OSMR: variants seen among roughly 807,000 people sequenced by gnomAD.
The protein encoded by OSMR is oncostatin-M-specific receptor subunit beta.
OSMR carries 81 observed loss-of-function variants against 99.9 expected under a neutral mutation model. That is an observed-to-expected ratio of 0.81 (90% CI 0.68 to 0.97). The LOEUF is 0.97. Ranked by LOEUF, OSMR falls within the 50% of genes least tolerant of loss-of-function variation. The probability of loss-of-function intolerance (pLI) is 0.00; values close to 1 mark genes in which losing one functional copy is unlikely to be tolerated. For synonymous variants in OSMR, 406 were observed against 410.4 expected, an observed-to-expected ratio of 0.99 and a Z score of 0.13; for missense variants, 1,099 against 1,153.4, an observed-to-expected ratio of 0.95 and a Z score of 0.68.
intron 15 of OSMR, among the ~76,000 whole-genome samples, chr5:38,928,079 T>C (rs748283701): frequency 3.9e-5 from 6 of 152,190 alleles, no homozygotes; most frequent in Non-Finnish European, 8.8e-5. Flanking sequence ...TGGACTTCAT[T>C]GTTCATATCA....
intron 1 of OSMR, among the ~76,000 whole-genome samples, chr5:38,864,213 G>T (rs1199872041): frequency 6.6e-6 from 1 of 151,986 alleles, no homozygotes; most frequent in Non-Finnish European, 1.5e-5. Flanking sequence ...TTGTCATCCT[G>T]TTTTTTGGTT....
chr5:38,913,689 A>C (rs1173835967), intron 9 of OSMR, among the ~76,000 whole-genome samples: 1 of 152,214 alleles, frequency 6.6e-6, no homozygotes, highest in Non-Finnish European at 1.5e-5. Context: ...ACACCATCTC[A>C]CACCAATCAG....
intron 2 of OSMR, among the ~76,000 whole-genome samples, chr5:38,870,758 G>C (rs774444251): frequency 6.6e-5 from 10 of 152,204 alleles, no homozygotes; most frequent in Non-Finnish European, 2.9e-5. Flanking sequence ...GCAGGTAGGG[G>C]TCTGCATACT....
At chr5:38,882,437 T>G (rs533489777) in intron 4 of OSMR, among the ~76,000 whole-genome samples, 76 of 152,286 alleles carry the variant, frequency 5.0e-4, no homozygotes, top group Admixed American at 1.4e-3. Context: ...TAGCTGGGCA[T>G]GGTGACGGGC....
intron 1 of OSMR, among the ~76,000 whole-genome samples, chr5:38,868,428 C>T (rs373622837): frequency 1.9e-4 from 29 of 152,102 alleles, no homozygotes; most frequent in South Asian, 8.3e-4. Context: ...AGAATTCCCA[C>T]GTGTTGTGGG....
At chr5:38,920,606 C>T (rs1746184201) in intron 11 of OSMR, among the ~76,000 whole-genome samples, 1 of 152,146 alleles carries the variant, frequency 6.6e-6, no homozygotes, top group Non-Finnish European at 1.5e-5. Flanking sequence ...TTTGGGTGCC[C>T]CTAGCTGGAT....
At chr5:38,937,847 G>T (rs186445093), downstream of OSMR, 1 of 171,548 alleles carries the variant, frequency 5.8e-6, no homozygotes, top group Non-Finnish European at 1.3e-5. The surrounding 1 kb of genome is among the most constrained non-coding windows in gnomAD (Gnocchi z 4.0). Flanking sequence ...TGTCAGCATC[G>T]GCATTACAGG....
chr5:38,896,332 T>G (rs537596499), intron 7 of OSMR, among the ~76,000 whole-genome samples: 4 of 152,108 alleles, frequency 2.6e-5, no homozygotes, highest in Admixed American at 6.5e-5. Flanking sequence ...TTATCAATGT[T>G]TTGTAGTTTT....
chr5:38,868,933 G>T (rs357282), intron 1 of OSMR, 99 bp from the exon 2 acceptor site: 173,495 of 1,391,290 alleles, frequency 0.12, 11,741 homozygotes, highest in African/African-American at 0.15. Flanking sequence ...GGAGAAGTAT[G>T]GGAGCCTTTA....
At chr5:38,918,742 A>G in intron 10 of OSMR, 98 bp from the exon 11 acceptor site, 2 of 1,552,548 alleles carry the variant, frequency 1.3e-6, no homozygotes, top group Non-Finnish European at 1.7e-6. Context: ...GTGTGTGCGT[A>G]TATAAAGGAG....
chr5:38,852,718 A>AT (rs61559728), intron 1 of OSMR, among the ~76,000 whole-genome samples: 8,376 of 69,628 alleles, frequency 0.12, 2,250 homozygotes, highest in Non-Finnish European at 0.15. Context: ...TATTGTTTTC[A>AT]TTTTTTTTTT....
chr5:38,852,202 G>C (rs1740425635), intron 1 of OSMR, among the ~76,000 whole-genome samples: 2 of 152,074 alleles, frequency 1.3e-5, no homozygotes, highest in Non-Finnish European at 2.9e-5. Flanking sequence ...TTTTTGAAAG[G>C]CTCTTGGATT....
downstream of OSMR, chr5:38,940,153 A>AAAAAAAAAAAAAAAC (rs1554057795): frequency 4.4e-6 from 1 of 228,872 alleles, no homozygotes; most frequent in African/African-American, 2.2e-5. Context: ...CAAAAAAAAA[A>AAAAAAAAAAAAAAAC]ACACAAAACA....
chr5:38,868,750 C>G (rs1742140095), intron 1 of OSMR: 1 of 152,206 alleles, frequency 6.6e-6, no homozygotes, highest in African/African-American at 2.4e-5. Context: ...CTTTTCATGT[C>G]AAAGGTAGAA....
At position 38,926,872 on chromosome 5, in the gene OSMR, G is replaced by A. The variant is rs529770878; in HGVS notation, c.2212+1501G>A. 1.2e-4 allele frequency among the ~76,000 whole-genome samples: 19 copies of A among 152,282 alleles called. No homozygotes were observed. In the East Asian group the frequency reaches 3.7e-3, roughly 29 times the overall value. Reference sequence around the variant, plus strand: ...GACAAGGCAAATCCCTTCCGCCTATGAGCCTGTAAAATTTAAAGCAAGTTA... The same window carrying A: ...GACAAGGCAAATCCCTTCCGCCTATAAGCCTGTAAAATTTAAAGCAAGTTA... On this transcript the variant is annotated intron_variant, in intron 15 of 17. Coordinates refer to ENST00000274276, the MANE Select transcript of OSMR (RefSeq NM_003999.3).
At chr5:38,871,109 C>T (rs1742352978) in intron 2 of OSMR, among the ~76,000 whole-genome samples, 1 of 152,216 alleles carries the variant, frequency 6.6e-6, no homozygotes. Flanking sequence ...GTAACTCATT[C>T]TCCTTTTCTT....
chr5:38,943,781 C>A (rs1203564462), intron 1 of OSMR, among the ~76,000 whole-genome samples: 1 of 152,112 alleles, frequency 6.6e-6, no homozygotes, highest in Non-Finnish European at 1.5e-5. Flanking sequence ...CCACTGCACT[C>A]CAGCCTGGGT....
intron 7 of OSMR, among the ~76,000 whole-genome samples, chr5:38,893,914 A>C (rs1352994925): frequency 6.6e-6 from 1 of 152,184 alleles, no homozygotes; most frequent in African/African-American, 2.4e-5. Flanking sequence ...AAAATCTTAA[A>C]TGCAACTAGA....
intron 1 of OSMR, among the ~76,000 whole-genome samples, chr5:38,857,458 C>CT (rs34461557): frequency 0.31 from 47,157 of 151,902 alleles, 7,703 homozygotes; most frequent in East Asian, 0.6. Flanking sequence ...AGTTTTCCCC[C>CT]GGCTTTAATA....
Sources: gnomAD v4.1 joint callset for allele counts (sites outside exome capture counted in the v4.1 genomes callset) on GRCh38, gnomAD v4.1.1 for gene constraint, Gnocchi (gnomAD v3.1) non-coding constraint, MANE v1.5 for transcripts, NCBI Gene and HGNC (gene_info 2026-07-23, HGNC 2026-07-21) for gene names.